Variants in RPTOR observed in about 807,000 individuals in gnomAD.
The protein encoded by RPTOR is regulatory-associated protein of mTOR.
Under a neutral mutation model 169.9 loss-of-function variants are expected in RPTOR, and 21 were observed. The ratio of observed to expected loss-of-function variants is 0.12; its 90% CI spans 0.09 to 0.18. RPTOR has a LOEUF of 0.18. Ranked by LOEUF, RPTOR falls within the 10% of genes least tolerant of loss-of-function variation. RPTOR has a pLI of 1.00. For missense variants in RPTOR, 1,133 were observed against 1,855.9 expected (o/e 0.61, Z 7.16); for synonymous variants, 732 against 753.2 (o/e 0.97, Z 0.46).
At chr17:80,765,362 C>T (rs145954508) in intron 6 of RPTOR, among the ~76,000 whole-genome samples, 108 of 152,332 alleles carry the variant, frequency 7.1e-4, no homozygotes, top group African/African-American at 2.2e-3. Flanking sequence ...GACTTTGCAC[C>T]GTCCAGGTCA....
At chr17:80,889,874 C>T (rs1393458424) in intron 17 of RPTOR, among the ~76,000 whole-genome samples, 9 of 113,212 alleles carry the variant, frequency 7.9e-5, no homozygotes, top group Non-Finnish European at 1.1e-4. Flanking sequence ...GCAGGATGTG[C>T]GGCCTCCGAG....
intron 3 of RPTOR, among the ~76,000 whole-genome samples, chr17:80,663,364 A>G (rs923376229): frequency 2.0e-5 from 3 of 151,970 alleles, no homozygotes; most frequent in African/African-American, 7.2e-5. Flanking sequence ...TACATTTTGC[A>G]AGCCACTCTA....
rs572694881 is a variant in RPTOR, at chr17:80,722,977, T to G, written c.508-7583T>G. ...TTCTTGTCTTTCATGACCATGACAT[T>G]GTAAGATGCTGCTCAGGTGTTTTGG... On this transcript the variant is annotated intron_variant, in intron 4 of 33. Coordinates refer to ENST00000306801, the MANE Select transcript of RPTOR (RefSeq NM_020761.3). 1.8e-4 allele frequency among the ~76,000 whole-genome samples: 28 copies of G among 151,480 alleles called. 3 individuals carry two copies. The highest frequency in any genetic ancestry group is 6.1e-4 in the African/African-American group (25 of 40,756).
At chr17:80,640,813 T>G (rs746946497) in intron 2 of RPTOR, among the ~76,000 whole-genome samples, 2 of 152,218 alleles carry the variant, frequency 1.3e-5, no homozygotes, top group Non-Finnish European at 2.9e-5. Context: ...CCCTTCTTCC[T>G]CTGTCCGTGG....
At chr17:80,747,843 C>T (rs1427029229) in intron 5 of RPTOR, among the ~76,000 whole-genome samples, 3 of 152,230 alleles carry the variant, frequency 2.0e-5, no homozygotes, top group African/African-American at 7.2e-5. Context: ...CTAGTGCTGA[C>T]TTGGAAGAAA....
At chr17:80,819,171 A>G (rs533727936) in intron 7 of RPTOR, among the ~76,000 whole-genome samples, 1 of 152,196 alleles carries the variant, frequency 6.6e-6, no homozygotes, top group South Asian at 2.1e-4. Context: ...CTCCCTCCCC[A>G]GCATCACCAG....
chr17:80,879,841 C>T lies in RPTOR; in HGVS notation c.1510-574C>T, dbSNP rs545138926. On this transcript the variant is annotated intron_variant, in intron 13 of 33. Transcript: ENST00000306801. ...GGGAAGGTCGCCTGCCTGGCAGCAG[C>T]TTTAGCACCAGGAAACCTCCCACCT... 7.2e-5 allele frequency among the ~76,000 whole-genome samples: 11 copies of T among 152,364 alleles called. 2 individuals carry two copies. The highest frequency in any genetic ancestry group is 2.6e-4 in the African/African-American group (11 of 41,592).
intron 13 of RPTOR, among the ~76,000 whole-genome samples, chr17:80,866,225 A>G (rs9899751): frequency 2.6e-3 from 384 of 150,278 alleles, no homozygotes; most frequent in African/African-American, 8.9e-3. Context: ...CTTGCATTAA[A>G]TAAATACATT....
Position 80,823,274 on chromosome 17 carries a change from A to T in RPTOR, c.1136+51A>T, listed in dbSNP as rs373064634. 1.9e-6 allele frequency: 3 copies of T among 1,598,378 alleles called. No homozygotes were observed. The African/African-American group carries it at 4.0e-5, about 21-fold the overall frequency. On this transcript the variant is annotated intron_variant, in intron 9 of 33. Coordinates refer to ENST00000306801, the MANE Select transcript of RPTOR (RefSeq NM_020761.3). This position sits in a 1 kb window ranked among gnomAD's most constrained non-coding sequence, Gnocchi z 4.5. ...GCCGTGCTCCCCCGCCCTCCGTGGC[A>T]CTGTGATGTCATGGAATTGCACGGA... is the stretch of plus-strand genomic sequence containing the variant.
chr17:80,822,590 TCGG>T (rs2067391943), intron 8 of RPTOR, among the ~76,000 whole-genome samples: 1 of 152,248 alleles, frequency 6.6e-6, no homozygotes, highest in Non-Finnish European at 1.5e-5. Flanking sequence ...TTCAGAGTCG[TCGG>T]CATTATTCAC....
At chr17:80,775,899 A>G (rs1285026005) in intron 6 of RPTOR, among the ~76,000 whole-genome samples, 1 of 152,238 alleles carries the variant, frequency 6.6e-6, no homozygotes, top group Non-Finnish European at 1.5e-5. Flanking sequence ...TTTAATTTGA[A>G]GATCACTGAT....
At chr17:80,680,863 C>G (rs1053955470) in intron 3 of RPTOR, among the ~76,000 whole-genome samples, 1 of 152,142 alleles carries the variant, frequency 6.6e-6, no homozygotes, top group Non-Finnish European at 1.5e-5. Flanking sequence ...GTGCTGGGCT[C>G]GTCTGTGAAC....
intron 20 of RPTOR, among the ~76,000 whole-genome samples, chr17:80,903,573 G>A (rs771243845): frequency 8.5e-5 from 13 of 152,162 alleles, no homozygotes; most frequent in African/African-American, 1.2e-4. Flanking sequence ...TCTTAAAGAC[G>A]GGGTTTCGCT....
Position 80,878,111 on chromosome 17 carries a change from C to T in RPTOR, c.1510-2304C>T, listed in dbSNP as rs1004867150. On this transcript the variant is annotated intron_variant, in intron 13 of 33. Coordinates refer to ENST00000306801, the MANE Select transcript of RPTOR (RefSeq NM_020761.3). The surrounding 1 kb of genome is among the most constrained non-coding windows in gnomAD (Gnocchi z 4.1). ...GCATCCAGTTCTTAAAATTCCGGCC[C>T]TCTGTCCTTGCATGGCCTTCGTCCT... 2.6e-5 allele frequency among the ~76,000 whole-genome samples: 4 copies of T among 152,216 alleles called. No individual in the cohort carries two copies. The highest frequency in any genetic ancestry group is 6.5e-5 in the Admixed American group (1 of 15,268).
At position 80,837,083 on chromosome 17, in the gene RPTOR, C is replaced by T. The variant is rs867002241; in HGVS notation, c.1137-839C>T. Among the ~76,000 whole-genome samples, 11 of 152,236 alleles carry T rather than the reference C, an allele frequency of 7.2e-5. 1 individual carries two copies. In the East Asian group the frequency reaches 7.7e-4, roughly 11 times the overall value. ...GGAGCCCGGGGAGGAGGCTGTCTCA[C>T]GTTCACCGTGACGGGAAGGAGGCCG... On this transcript the variant is annotated intron_variant, in intron 9 of 33. Transcript: ENST00000306801.
intron 17 of RPTOR, among the ~76,000 whole-genome samples, chr17:80,888,047 G>C (rs1826775827): frequency 6.6e-6 from 1 of 152,190 alleles, no homozygotes; most frequent in African/African-American, 2.4e-5. Flanking sequence ...GCGGGGCTTG[G>C]ATGGGGGCTT....
chr17:80,907,654 C>T (rs1196103590), intron 20 of RPTOR, among the ~76,000 whole-genome samples: 1 of 143,690 alleles, frequency 7.0e-6, no homozygotes, highest in African/African-American at 2.4e-5. Context: ...CTTCTGGTTT[C>T]CAAGTGCTCA....
chr17:80,961,702 G>A (rs1444874599), intron 31 of RPTOR: 15 of 552,972 alleles, frequency 2.7e-5, no homozygotes, highest in Non-Finnish European at 4.4e-5. Flanking sequence ...CAGGCGCTTT[G>A]GGAACTTTCC....
chr17:80,761,840 A>C (rs2066739584), intron 6 of RPTOR, among the ~76,000 whole-genome samples: 1 of 152,218 alleles, frequency 6.6e-6, no homozygotes, highest in African/African-American at 2.4e-5. Context: ...AGAGGAGCTC[A>C]CTGGTCCTCC....
Sources: gnomAD v4.1 joint callset for allele counts (sites outside exome capture counted in the v4.1 genomes callset) on GRCh38, gnomAD v4.1.1 for gene constraint, Gnocchi (gnomAD v3.1) non-coding constraint, MANE v1.5 for transcripts, NCBI Gene and HGNC (gene_info 2026-07-23, HGNC 2026-07-21) for gene names.